ANO10: variants seen among roughly 807,000 people sequenced by gnomAD.
The protein encoded by ANO10 is anoctamin 10, also known as anoctamin-10.
In ANO10, 77 loss-of-function variants were observed where a neutral mutation model predicts 74.7. The ratio of observed to expected loss-of-function variants is 1.03; its 90% CI spans 0.86 to 1.25. The LOEUF (loss-of-function observed/expected upper bound fraction) is 1.25. ANO10 is among the 50% of genes most tolerant of loss of function. The pLI, the probability that ANO10 is intolerant of heterozygous loss-of-function variation, is 0.00. For synonymous variants in ANO10, 279 were observed against 284.9 expected (o/e 0.98, Z 0.21); for missense variants, 721 against 778.1 (o/e 0.93, Z 0.87).
intron 1 of ANO10, among the ~76,000 whole-genome samples, chr3:43,629,939 A>G (rs1425801114): frequency 6.6e-6 from 1 of 152,226 alleles, no homozygotes; most frequent in Admixed American, 6.5e-5. Flanking sequence ...TGAACTCACC[A>G]GAGTTGTGAG....
At chr3:43,617,034 G>A (rs905669131) in intron 1 of ANO10, among the ~76,000 whole-genome samples, 3 of 151,214 alleles carry the variant, frequency 2.0e-5, no homozygotes, top group South Asian at 2.1e-4. Flanking sequence ...GCTCAATGAC[G>A]TAAATATCAA....
At chr3:43,597,590 C>T (rs1424751645) in intron 4 of ANO10, among the ~76,000 whole-genome samples, 1 of 151,666 alleles carries the variant, frequency 6.6e-6, no homozygotes, top group African/African-American at 2.4e-5. Context: ...GGAAGAGGAA[C>T]ATCACACACC....
At chr3:43,444,096 T>C (rs568195874) in intron 11 of ANO10, among the ~76,000 whole-genome samples, 1 of 152,314 alleles carries the variant, frequency 6.6e-6, no homozygotes, top group African/African-American at 2.4e-5. Context: ...ATGTGTCTCA[T>C]TGGCTCTTCT....
chr3:43,610,883 T>C (rs1442043500), intron 1 of ANO10, among the ~76,000 whole-genome samples: 3 of 152,206 alleles, frequency 2.0e-5, no homozygotes, highest in Admixed American at 2.0e-4. Flanking sequence ...GCCTATGAAA[T>C]TGTATCCTAT....
At chr3:43,415,914 T>G (rs1017767197) in intron 12 of ANO10, among the ~76,000 whole-genome samples, 4 of 152,078 alleles carry the variant, frequency 2.6e-5, no homozygotes, top group Non-Finnish European at 5.9e-5. Flanking sequence ...ACAGAAGTGA[T>G]CTGTGGACAG....
chr3:43,604,510 T>C (rs186840687), intron 2 of ANO10, among the ~76,000 whole-genome samples: 1 of 152,266 alleles, frequency 6.6e-6, no homozygotes, highest in Admixed American at 6.5e-5. Flanking sequence ...TCTTCTTTTT[T>C]TTTTTTGGTC....
chr3:43,402,910 C>T lies in ANO10; in HGVS notation c.1914+29701G>A, dbSNP rs537647834. Among the ~76,000 whole-genome samples the T allele has an allele frequency of 2.0e-5, 3 of 152,274 alleles. No individual in the cohort carries two copies. In the South Asian group the frequency reaches 6.2e-4, roughly 32 times the overall value. ...TTAAGGATTTCAGCTCTGCTTCAGGCAAAATATAGGAACATTTTGCCAGGA... is the reference window on the plus strand; with the variant it reads ...TTAAGGATTTCAGCTCTGCTTCAGGTAAAATATAGGAACATTTTGCCAGGA... On this transcript the variant is annotated intron_variant, in intron 12 of 12. Coordinates refer to ENST00000292246, the MANE Select transcript of ANO10 (RefSeq NM_018075.5).
At chr3:43,519,888 C>A (rs1355552912) in intron 11 of ANO10, among the ~76,000 whole-genome samples, 1 of 152,136 alleles carries the variant, frequency 6.6e-6, no homozygotes, top group Non-Finnish European at 1.5e-5. Flanking sequence ...CTTTTCAGTT[C>A]TTGTAACTGT....
At chr3:43,633,746 G>C (rs2083574085) in intron 1 of ANO10, among the ~76,000 whole-genome samples, 1 of 152,054 alleles carries the variant, frequency 6.6e-6, no homozygotes. Flanking sequence ...AAGACTCCTG[G>C]GTCAGAGACA....
intron 11 of ANO10, among the ~76,000 whole-genome samples, chr3:43,523,099 G>A (rs1227361989): frequency 6.6e-6 from 1 of 152,152 alleles, no homozygotes; most frequent in Non-Finnish European, 1.5e-5. Flanking sequence ...TGATAAAACA[G>A]GATGACTCAT....
chr3:43,602,131 T>C (rs1193826301), intron 2 of ANO10, among the ~76,000 whole-genome samples: 1 of 152,194 alleles, frequency 6.6e-6, no homozygotes, highest in Non-Finnish European at 1.5e-5. Flanking sequence ...CTTTCCCAAG[T>C]GTCAAATTGA....
intron 12 of ANO10, among the ~76,000 whole-genome samples, chr3:43,408,899 G>A (rs1447964962): frequency 6.6e-6 from 1 of 152,046 alleles, no homozygotes; most frequent in African/African-American, 2.4e-5. Context: ...GGGTGTGGTG[G>A]CATGCACCTG....
intron 11 of ANO10, among the ~76,000 whole-genome samples, chr3:43,505,769 T>C (rs2077271487): frequency 6.6e-6 from 1 of 152,338 alleles, no homozygotes. Flanking sequence ...CATTTATTTA[T>C]GTTCAACTAA....
chr3:43,380,142 G>T (rs2091919498), intron 12 of ANO10, among the ~76,000 whole-genome samples: 1 of 151,910 alleles, frequency 6.6e-6, no homozygotes, highest in Non-Finnish European at 1.5e-5. Flanking sequence ...CAAAGAAAAA[G>T]AATTTAAAAA....
At chr3:43,441,597 C>A (rs554390110) in intron 11 of ANO10, among the ~76,000 whole-genome samples, 1 of 152,054 alleles carries the variant, frequency 6.6e-6, no homozygotes, top group Non-Finnish European at 1.5e-5. Context: ...AGAATTACCA[C>A]CAATACACCT....
At chr3:43,615,757 G>A (rs1281804482) in intron 1 of ANO10, among the ~76,000 whole-genome samples, 2 of 151,756 alleles carry the variant, frequency 1.3e-5, no homozygotes, top group African/African-American at 2.4e-5. Context: ...GGGTTCAAGC[G>A]ATTCTCCTGC....
intron 4 of ANO10, among the ~76,000 whole-genome samples, chr3:43,584,771 C>T (rs1052637548): frequency 4.0e-5 from 6 of 151,766 alleles, no homozygotes; most frequent in East Asian, 1.9e-4. Context: ...TTAATGAAAG[C>T]GTTCTATCAA....
At chr3:43,570,371 G>A (rs1198721219) in intron 7 of ANO10, among the ~76,000 whole-genome samples, 152 of 151,708 alleles carry the variant, frequency 1.0e-3, no homozygotes, top group Middle Eastern at 3.4e-3. Flanking sequence ...AGCCCGCATC[G>A]CCAAGGCAAC....
intron 11 of ANO10, among the ~76,000 whole-genome samples, chr3:43,547,658 T>G (rs2079259431): frequency 6.6e-6 from 1 of 152,142 alleles, no homozygotes; most frequent in African/African-American, 2.4e-5. Flanking sequence ...AATGTGCAGA[T>G]TAAGTGAATC....
Sources: allele counts gnomAD v4.1 joint callset (sites outside exome capture counted in the v4.1 genomes callset), GRCh38; gene constraint gnomAD v4.1.1; transcripts MANE v1.5; gene names NCBI Gene and HGNC (gene_info 2026-07-23, HGNC 2026-07-21).